Variants in TUBGCP5 observed in about 807,000 individuals in gnomAD.
TUBGCP5 encodes the protein gamma-tubulin complex component 5.
Under a neutral mutation model 134.7 loss-of-function variants are expected in TUBGCP5, and 98 were observed. The ratio of observed to expected loss-of-function variants is 0.73; its 90% CI spans 0.62 to 0.86. The LOEUF (loss-of-function observed/expected upper bound fraction) is 0.86. Among genes scored for constraint, TUBGCP5 ranks in the 40% least tolerant of loss-of-function variants. The pLI, the probability that TUBGCP5 is intolerant of heterozygous loss-of-function variation, is 0.00. For missense variants in TUBGCP5, 1,150 were observed against 1,244.8 expected, an observed-to-expected ratio of 0.92 and a Z score of 1.15; for synonymous variants, 456 against 431.4, an observed-to-expected ratio of 1.06 and a Z score of -0.71.
chr15:23,029,526 T>C (rs1025051312), intron 6 of TUBGCP5, among the ~76,000 whole-genome samples: 10 of 152,156 alleles, frequency 6.6e-5, no homozygotes, highest in Non-Finnish European at 1.2e-4. Flanking sequence ...TGGCCTTTTT[T>C]TTCTTTAAAG....
rs760227576 is a variant in TUBGCP5, at chr15:23,008,905, C to T, written c.2145-24G>A. ...ACCTGAATGGAGAGAAAATGAGTGA[C>T]ACTAAGATCTCTGGCATTCGTAAGG... On this transcript the variant is annotated intron_variant, in intron 15 of 22. Transcript: ENST00000615383. 6 of 1,518,410 alleles carry T rather than the reference C, an allele frequency of 4.0e-6. No individual in the cohort carries two copies. The Admixed American group carries it at 1.2e-4, about 32-fold the overall frequency. 94.1% of individuals were successfully genotyped at this position (1,518,410 alleles called of 1,614,324 possible). A position where few individuals can be genotyped will look rare whatever the true frequency, so the allele number is the denominator to read the frequency against.
chr15:22,989,641 T>C (rs2063789559), intron 23 of TUBGCP5, among the ~76,000 whole-genome samples: 1 of 152,210 alleles, frequency 6.6e-6, no homozygotes. Context: ...CCTCCCAAAG[T>C]GCTGGGATTA....
intron 4 of TUBGCP5, 68 bp from the exon 5 acceptor site, chr15:23,032,097 A>T: frequency 8.5e-7 from 1 of 1,170,450 alleles, no homozygotes; most frequent in Non-Finnish European, 1.2e-6. Flanking sequence ...CTCAAAACTA[A>T]GGAAAAAAGA....
chr15:22,994,481 G>A (rs2063980997), downstream of TUBGCP5, among the ~76,000 whole-genome samples: 1 of 152,164 alleles, frequency 6.6e-6, no homozygotes, highest in African/African-American at 2.4e-5. Context: ...TAGATTCAGT[G>A]TAAAGATGTC....
Position 23,006,151 on chromosome 15 carries a change from C to A in TUBGCP5, c.2434G>T (p.Val812Phe). ...ATTTTTTGACATTCCAAACTTATAA[C>A]AATGTCCACGGGCCATGGGACCTAT... ...SYKVPWPVDIVISLECQKIYN... is the reference protein window; with the variant it reads ...SYKVPWPVDIFISLECQKIYN... Residue 812 changes from valine (V) to phenylalanine (F), a missense_variant, in exon 18 of 23, where the codon GTT becomes TTT. This residue lies in a region of TUBGCP5 where 697 missense variants were observed against 850.1 expected (regional missense o/e 0.82). Transcript: ENST00000615383. 1 of 1,610,266 alleles carries A rather than the reference C, an allele frequency of 6.2e-7. No homozygotes were observed. Among genetic ancestry groups the A allele is most frequent in the Non-Finnish European group, 8.5e-7 (1 of 1,179,292 alleles).
intron 22 of TUBGCP5, chr15:23,000,332 T>C: frequency 7.9e-7 from 1 of 1,273,854 alleles, no homozygotes; most frequent in Non-Finnish European, 9.9e-7. Flanking sequence ...TTAATAGGAG[T>C]TTTAGAAATC....
chr15:22,996,590 A>G (rs1209153095), downstream of TUBGCP5, among the ~76,000 whole-genome samples: 1 of 152,078 alleles, frequency 6.6e-6, no homozygotes, highest in Non-Finnish European at 1.5e-5. Context: ...GGTTTAAGCA[A>G]TTCTCATGCC....
In TUBGCP5 at chr15:23,032,717, T is replaced by C; in HGVS notation, c.406+11A>G. 2 of 1,530,190 alleles carry C rather than the reference T, an allele frequency of 1.3e-6. No homozygotes were observed. Among genetic ancestry groups the C allele is most frequent in the South Asian group, 1.3e-5 (1 of 79,572 alleles). The allele number at this position is 1,530,190 out of a possible 1,614,324, so 94.8% of individuals were successfully genotyped here. On this transcript the variant is annotated intron_variant, in intron 4 of 22. Coordinates refer to ENST00000615383, the MANE Select transcript of TUBGCP5 (RefSeq NM_052903.6). ...TTTACTTCTCATATGTTAAGGAATC[T>C]AGTAACATACCCACTTCTTTATTTC...
intron 20 of TUBGCP5, among the ~76,000 whole-genome samples, chr15:23,003,502 A>G (rs1047348442): frequency 8.5e-5 from 13 of 152,132 alleles, no homozygotes; most frequent in Admixed American, 3.3e-4. Context: ...TGGACATGCT[A>G]TTGCTCCGCA....
In TUBGCP5 at chr15:22,985,786, G is replaced by C. The variant is rs1209448397; in HGVS notation, c.*62-2175C>G. ...GGAGGCGGAGGTTGCAGTGAGCCAAGATCCTGCCACTGCACTCCAGCCTGG... is the reference window on the plus strand; with the variant it reads ...GGAGGCGGAGGTTGCAGTGAGCCAACATCCTGCCACTGCACTCCAGCCTGG... On this transcript the variant is annotated intron_variant and NMD_transcript_variant, in intron 23 of 23. Coordinates refer to the TUBGCP5 transcript ENST00000614508. 2.6e-5 allele frequency among the ~76,000 whole-genome samples: 4 copies of C among 151,914 alleles called. No homozygotes were observed. In the East Asian group the frequency reaches 5.8e-4, roughly 22 times the overall value.
At chr15:23,034,323 A>T (rs1255467876) in intron 3 of TUBGCP5, among the ~76,000 whole-genome samples, 1 of 152,160 alleles carries the variant, frequency 6.6e-6, no homozygotes, top group Non-Finnish European at 1.5e-5. Flanking sequence ...AGACAGAGCA[A>T]GCATCCAAAC....
intron 4 of TUBGCP5, 59 bp from the exon 5 acceptor site, chr15:23,032,088 T>C: frequency 3.0e-6 from 4 of 1,329,494 alleles, no homozygotes; most frequent in Non-Finnish European, 4.2e-6. Context: ...AAAAAAAACC[T>C]CAAAACTAAG....
intron 23 of TUBGCP5, among the ~76,000 whole-genome samples, chr15:22,986,420 GCAC>G (rs1285433332): frequency 1.3e-5 from 2 of 152,066 alleles, no homozygotes; most frequent in African/African-American, 2.4e-5. Flanking sequence ...ATGACAGATA[GCAC>G]CACTACTCAC....
chr15:22,989,848 G>C (rs1028113838), intron 23 of TUBGCP5, among the ~76,000 whole-genome samples: 2 of 152,180 alleles, frequency 1.3e-5, no homozygotes, highest in Non-Finnish European at 2.9e-5. Context: ...TGGGAGCTTA[G>C]AGTTGGAACT....
intron 3 of TUBGCP5, among the ~76,000 whole-genome samples, chr15:23,035,106 T>C (rs1480835961): frequency 6.6e-6 from 1 of 151,972 alleles, no homozygotes; most frequent in Non-Finnish European, 1.5e-5. Context: ...GGCAGGTGGA[T>C]TGCTTGAGGT....
intron 12 of TUBGCP5, among the ~76,000 whole-genome samples, chr15:23,018,315 AATAAAAG>A (rs1232236044): frequency 6.6e-6 from 1 of 152,230 alleles, no homozygotes; most frequent in Non-Finnish European, 1.5e-5. Context: ...TTAGAAGAAG[AATAAAAG>A]TTTATCCATT....
chr15:23,003,682 G>A (rs1253887092), intron 20 of TUBGCP5, among the ~76,000 whole-genome samples: 1 of 109,784 alleles, frequency 9.1e-6, no homozygotes, highest in Non-Finnish European at 1.7e-5. Context: ...GTCTTGCTCT[G>A]TTACCCAAGC....
intron 22 of TUBGCP5, chr15:23,000,191 G>C (rs1363017557): frequency 9.9e-7 from 1 of 1,013,638 alleles, no homozygotes; most frequent in African/African-American, 1.6e-5. Context: ...AGAGGCATGA[G>C]CCACCGCGCC....
intron 21 of TUBGCP5, 105 bp downstream of exon 21, chr15:23,002,960 C>G (rs1306562381): frequency 9.1e-6 from 10 of 1,093,816 alleles, no homozygotes; most frequent in Non-Finnish European, 1.2e-5. Flanking sequence ...AAGCAATCCT[C>G]TCCTCTCAGC....
Sources: allele counts gnomAD v4.1 joint callset (sites outside exome capture counted in the v4.1 genomes callset), GRCh38; gene constraint gnomAD v4.1.1; regional missense constraint gnomAD v4.1.1; transcripts MANE v1.5; gene names NCBI Gene and HGNC (gene_info 2026-07-23, HGNC 2026-07-21).